CRIPT: variants seen among roughly 807,000 people sequenced by gnomAD.
CRIPT encodes the protein cysteine-rich PDZ-binding protein.
CRIPT carries 20 observed loss-of-function variants against 16.6 expected under a neutral mutation model. The ratio of observed to expected loss-of-function variants is 1.20; its 90% CI spans 0.85 to 1.75. CRIPT has a LOEUF of 1.75. Ranked by LOEUF, CRIPT falls within the 40% of genes most tolerant of loss-of-function variation. The pLI is 0.00. For synonymous variants in CRIPT, 42 were observed against 37.0 expected, an observed-to-expected ratio of 1.14 and a Z score of -0.49; for missense variants, 133 against 115.3, an observed-to-expected ratio of 1.15 and a Z score of -0.70.
intron 3 of CRIPT, among the ~76,000 whole-genome samples, chr2:46,621,266 G>A (rs888673183): frequency 1.3e-5 from 2 of 152,052 alleles, no homozygotes; most frequent in Non-Finnish European, 2.9e-5. Flanking sequence ...CCACCTCTCC[G>A]GCTTCGTATT....
At position 46,624,275 on chromosome 2, in the gene CRIPT, T is replaced by C; in HGVS notation, c.*48T>C. 1.5e-6 allele frequency: 2 copies of C among 1,341,088 alleles called. No individual in the cohort carries two copies. Among genetic ancestry groups the C allele is most frequent in the East Asian group, 2.5e-5 (1 of 39,734 alleles). 83.1% of individuals were successfully genotyped at this position (1,341,088 alleles called of 1,614,324 possible). On this transcript the variant is annotated 3_prime_UTR_variant, in exon 5 of 5. Transcript: ENST00000238892. Reference sequence around the variant, plus strand: ...TTTCTAAATGATTTTACTTTCTGCCTTGAATTTTCAAGGCATAGATGTCAA... The same window carrying C: ...TTTCTAAATGATTTTACTTTCTGCCCTGAATTTTCAAGGCATAGATGTCAA...
In CRIPT at chr2:46,624,307, G is replaced by T; in HGVS notation, c.*80G>T. The T allele has an allele frequency of 2.3e-6, 2 of 876,456 alleles. No individual in the cohort carries two copies. The highest frequency in any genetic ancestry group is 2.2e-5 in the South Asian group (1 of 45,832). 54.3% of individuals were successfully genotyped at this position (876,456 alleles called of 1,614,324 possible). A position where few individuals can be genotyped will look rare whatever the true frequency, so the allele number is the denominator to read the frequency against. On this transcript the variant is annotated 3_prime_UTR_variant, in exon 5 of 5. Transcript: ENST00000238892. ...TTCAAGGCATAGATGTCAACTTACA[G>T]AATAACATGTTTTAAGATAATTAAG...
intron 1 of CRIPT, 106 bp downstream of exon 1, chr2:46,617,404 A>G (rs1239348495): frequency 3.2e-6 from 4 of 1,266,978 alleles, no homozygotes; most frequent in East Asian, 2.5e-5. Flanking sequence ...CACAGGTCTC[A>G]GATTCTATCC....
rs904093924 is a variant in CRIPT at position 46,617,361 on chromosome 2, G to A, written c.16+63G>A. Reference sequence around the variant, plus strand: ...GGGAGAACCTAACTGAGCTCTCCCGGGAACTTTGCTTTCTCGTTGTTTTTT... The same window carrying A: ...GGGAGAACCTAACTGAGCTCTCCCGAGAACTTTGCTTTCTCGTTGTTTTTT... On this transcript the variant is annotated intron_variant, in intron 1 of 4. Transcript: ENST00000238892. 28 of 1,523,044 alleles carry A rather than the reference G, an allele frequency of 1.8e-5. No homozygotes were observed. The African/African-American group carries it at 3.5e-4, about 19-fold the overall frequency. 94.3% of individuals were successfully genotyped at this position (1,523,044 alleles called of 1,614,324 possible).
intron 3 of CRIPT, among the ~76,000 whole-genome samples, chr2:46,620,708 A>T (rs935251486): frequency 1.4e-4 from 20 of 147,332 alleles, no homozygotes; most frequent in Non-Finnish European, 2.7e-4. Flanking sequence ...ATATGTAATA[A>T]TATTATTATA....
intron 2 of CRIPT, 95 bp from the exon 3 acceptor site, chr2:46,619,532 T>C: frequency 1.4e-6 from 1 of 718,562 alleles, no homozygotes; most frequent in Non-Finnish European, 2.2e-6. Context: ...AGATATAGAC[T>C]ACTATTTTGG....
intron 1 of CRIPT, 68 bp from the exon 2 acceptor site, chr2:46,618,705 T>A: frequency 5.0e-6 from 5 of 1,000,098 alleles, no homozygotes; most frequent in Non-Finnish European, 7.7e-6. Context: ...TTGTGAACCT[T>A]AGGCACAATG....
chr2:46,620,577 A>G (rs183294273), intron 3 of CRIPT, among the ~76,000 whole-genome samples: 88 of 151,340 alleles, frequency 5.8e-4, no homozygotes, highest in South Asian at 4.0e-3. Flanking sequence ...TCCTTCAGCC[A>G]CTCTAGTCAT....
chr2:46,620,497 T>C (rs1327647779), intron 3 of CRIPT, among the ~76,000 whole-genome samples: 1 of 151,858 alleles, frequency 6.6e-6, no homozygotes, highest in Non-Finnish European at 1.5e-5. Context: ...ATTTCTTTGC[T>C]CCCCTTCACA....
intron 2 of CRIPT, 32 bp downstream of exon 2, chr2:46,618,870 C>T: frequency 7.6e-7 from 1 of 1,310,894 alleles, no homozygotes. Flanking sequence ...AGGAATTTAA[C>T]CGAATACTTA....
chr2:46,624,180 G>A lies in CRIPT; in HGVS notation c.259G>A (p.Gly87Arg). 1.3e-6 allele frequency: 2 copies of A among 1,582,122 alleles called. No individual in the cohort carries two copies. Among genetic ancestry groups the A allele is most frequent in the Non-Finnish European group, 1.7e-6 (2 of 1,160,834 alleles). ...AYKKGICAMC[G>R]KKVLDTKNYK... ...TGTTTCAGGCATCTGTGCGATGTGT[G>A]GAAAAAAGGTTTTGGATACCAAAAA... The change falls in exon 5 of 5, where the codon GGA becomes AGA. Residue 87 changes from glycine to arginine, a missense_variant. Physicochemically the swap from Gly to Arg is moderately radical, Grantham distance 125. Transcript: ENST00000238892.
chr2:46,621,626 C>G (rs960669327), intron 3 of CRIPT, among the ~76,000 whole-genome samples: 2 of 152,148 alleles, frequency 1.3e-5, no homozygotes, highest in Non-Finnish European at 2.9e-5. Context: ...AGGGCTTTGC[C>G]TATCATGTTC....
intron 3 of CRIPT, among the ~76,000 whole-genome samples, chr2:46,622,824 A>G (rs941855602): frequency 6.6e-6 from 1 of 151,954 alleles, no homozygotes; most frequent in African/African-American, 2.4e-5. Context: ...AAAAAAAAAA[A>G]GTGATATTCT....
At chr2:46,619,711 A>G in intron 3 of CRIPT, 30 bp downstream of exon 3, 1 of 1,561,432 alleles carries the variant, frequency 6.4e-7, no homozygotes, top group Non-Finnish European at 8.8e-7. Flanking sequence ...GATGGGTCAC[A>G]TAAATTTCCT....
At chr2:46,621,404 C>A (rs1670801427) in intron 3 of CRIPT, among the ~76,000 whole-genome samples, 1 of 152,192 alleles carries the variant, frequency 6.6e-6, no homozygotes, top group Non-Finnish European at 1.5e-5. Flanking sequence ...GTATCTGCCT[C>A]CTTCTTGCTG....
At chr2:46,620,859 GTCTTC>G (rs990426717) in intron 3 of CRIPT, among the ~76,000 whole-genome samples, 28 of 151,412 alleles carry the variant, frequency 1.8e-4, no homozygotes, top group African/African-American at 6.8e-4. Context: ...TTTTCCTTCC[GTCTTC>G]TCATCATAGT....
rs1671027065 is a variant in CRIPT, at chr2:46,629,789, T to A, written c.*5562T>A. ...AGTGTATCGTTATTGTTTTTCCTTTTGCAATTAGTGGGTAATTTGTGAGGA... is the reference window on the plus strand; with the variant it reads ...AGTGTATCGTTATTGTTTTTCCTTTAGCAATTAGTGGGTAATTTGTGAGGA... On this transcript the variant is annotated 3_prime_UTR_variant, in exon 5 of 5. Coordinates refer to ENST00000238892, the MANE Select transcript of CRIPT (RefSeq NM_014171.6). 6.6e-6 allele frequency among the ~76,000 whole-genome samples: 1 copy of A among 152,224 alleles called. No individual in the cohort carries two copies. The highest frequency in any genetic ancestry group is 2.4e-5 in the African/African-American group (1 of 41,458).
At chr2:46,623,931 A>G in intron 4 of CRIPT, 64 bp downstream of exon 4, 1 of 1,182,978 alleles carries the variant, frequency 8.5e-7, no homozygotes, top group Non-Finnish European at 1.2e-6. Context: ...TAATTTGGTT[A>G]ACAGAAAAGA....
At chr2:46,617,395 A>G (rs1480304461) in intron 1 of CRIPT, 97 bp downstream of exon 1, 4 of 1,367,874 alleles carry the variant, frequency 2.9e-6, no homozygotes, top group Non-Finnish European at 4.0e-6. Context: ...TTCTTCGCCC[A>G]CAGGTCTCAG....
Sources: allele counts gnomAD v4.1 joint callset (sites outside exome capture counted in the v4.1 genomes callset), GRCh38; gene constraint gnomAD v4.1.1; transcripts MANE v1.5; gene names NCBI Gene and HGNC (gene_info 2026-07-23, HGNC 2026-07-21).